The following POFUT1 variants were observed in gnomAD, a reference collection of about 807,000 sequenced individuals.
The protein encoded by POFUT1 is GDP-fucose protein O-fucosyltransferase 1.
POFUT1 carries 16 observed loss-of-function variants against 42.4 expected under a neutral mutation model. The ratio of observed to expected loss-of-function variants is 0.38; its 90% CI spans 0.26 to 0.57. The LOEUF (loss-of-function observed/expected upper bound fraction) is 0.57. Among genes scored for constraint, POFUT1 ranks in the 20% least tolerant of loss-of-function variants. The pLI, the probability that POFUT1 is intolerant of heterozygous loss-of-function variation, is 0.71. For missense variants in POFUT1, 470 were observed against 504.6 expected, an observed-to-expected ratio of 0.93 and a Z score of 0.66; for synonymous variants, 206 against 205.4, an observed-to-expected ratio of 1.00 and a Z score of -0.03.
Position 32,234,750 on chromosome 20 carries a change from C to T in POFUT1, c.*89C>T, listed in dbSNP as rs550384798. On this transcript the variant is annotated 3_prime_UTR_variant, in exon 7 of 7. Coordinates refer to ENST00000375749, the MANE Select transcript of POFUT1 (RefSeq NM_015352.2). Reference sequence around the variant, plus strand: ...CCAGGCCTGGCAGCCAGAGGTGCTCCGGGATTGCAAACTCCTCTTCTCACC... The same window carrying T: ...CCAGGCCTGGCAGCCAGAGGTGCTCTGGGATTGCAAACTCCTCTTCTCACC... 1.9e-5 allele frequency: 23 copies of T among 1,217,662 alleles called. No individual in the cohort carries two copies. Among genetic ancestry groups the T allele is most frequent in the South Asian group, 1.2e-4 (8 of 67,210 alleles). 75.4% of individuals were successfully genotyped at this position (1,217,662 alleles called of 1,614,324 possible).
At chr20:32,219,729 C>G (rs2047381492) in intron 4 of POFUT1, among the ~76,000 whole-genome samples, 1 of 151,850 alleles carries the variant, frequency 6.6e-6, no homozygotes, top group Non-Finnish European at 1.5e-5. Context: ...GATCTCTTGC[C>G]CTTGTGATCC....
intron 6 of POFUT1, among the ~76,000 whole-genome samples, chr20:32,233,466 G>A (rs1367255482): frequency 2.0e-5 from 3 of 152,170 alleles, no homozygotes; most frequent in Non-Finnish European, 4.4e-5. Context: ...GGACCTTGTA[G>A]GCCACGTTCA....
intron 4 of POFUT1, chr20:32,217,047 G>A: frequency 1.2e-6 from 2 of 1,613,948 alleles, no homozygotes; most frequent in East Asian, 2.2e-5. Context: ...TCTTCCCAAG[G>A]TGAAACTGGA....
chr20:32,216,559 A>G (rs377089364), intron 3 of POFUT1, 50 bp from the exon 4 acceptor site: 89 of 1,187,448 alleles, frequency 7.5e-5, no homozygotes, highest in African/African-American at 3.9e-4. Context: ...CCCATCCCCA[A>G]ATGGCTTTCC....
intron 5 of POFUT1, among the ~76,000 whole-genome samples, chr20:32,230,231 C>CA (rs1569161450): frequency 6.6e-6 from 1 of 151,636 alleles, no homozygotes; most frequent in Non-Finnish European, 1.5e-5. Context: ...ACTAAAAATA[C>CA]AAAAAATTAG....
intron 2 of POFUT1, among the ~76,000 whole-genome samples, chr20:32,215,064 A>G (rs1013375258): frequency 2.0e-5 from 3 of 151,834 alleles, no homozygotes; most frequent in African/African-American, 7.3e-5. Context: ...ATTTTCTTGT[A>G]TTTTAGTAAA....
intron 2 of POFUT1, 108 bp from the exon 3 acceptor site, chr20:32,215,161 T>A (rs969786062): frequency 3.8e-6 from 3 of 793,080 alleles, no homozygotes; most frequent in Non-Finnish European, 6.1e-6. Flanking sequence ...AGTGCTGGGA[T>A]TACAGGCGTG....
At position 32,210,090 on chromosome 20, in the gene POFUT1, C is replaced by T. The variant is rs770942717; in HGVS notation, c.144C>T (p.Ala48=). 5.6e-6 allele frequency: 9 copies of T among 1,614,062 alleles called. No individual in the cohort carries two copies. Among genetic ancestry groups the T allele is most frequent in the African/African-American group, 1.3e-5 (1 of 74,920 alleles). The stretch of plus-strand genomic sequence containing the variant: ...TTCCAGGGCGCTTTGGGAACCAGGC[C>T]GATCACTTCTTGGGCTCTCTGGCAT... The part of the protein sequence containing the change: ...CPCMGRFGNQ[A]DHFLGSLAFA... Residue 48 remains alanine (A), a synonymous_variant, in exon 2 of 7, where the codon GCC becomes GCT. Coordinates refer to ENST00000375749, the MANE Select transcript of POFUT1 (RefSeq NM_015352.2).
intron 2 of POFUT1, among the ~76,000 whole-genome samples, chr20:32,213,863 C>A (rs141617143): frequency 3.2e-4 from 49 of 152,330 alleles, no homozygotes; most frequent in African/African-American, 1.2e-3. Flanking sequence ...ATGTTTGTTT[C>A]ATCTTCTCTT....
chr20:32,207,925 C>T lies in POFUT1; in HGVS notation c.-17C>T, dbSNP rs770466202. ...CCCCGACTGTGCGCCGCGGCTGGCTCGGGTTCCCGGGCCGACATGGGCGCC... is the reference window on the plus strand; with the variant it reads ...CCCCGACTGTGCGCCGCGGCTGGCTTGGGTTCCCGGGCCGACATGGGCGCC... On this transcript the variant is annotated 5_prime_UTR_variant, in exon 1 of 7. Transcript: ENST00000375749. 7 of 1,576,222 alleles carry T rather than the reference C, an allele frequency of 4.4e-6. No homozygotes were observed. The Admixed American group carries it at 5.2e-5, about 12-fold the overall frequency.
Position 32,234,464 on chromosome 20 carries a change from T to C in POFUT1, c.979-9T>C, listed in dbSNP as rs1465201310. On this transcript the variant is annotated splice_polypyrimidine_tract_variant and intron_variant, in intron 6 of 6. Transcript: ENST00000375749. ...CCCCAGCTTATATGCTCTGTGCTTC[T>C]TCCTGCAGGTGAAGGTGGTGAGCCT... 1.3e-6 allele frequency: 2 copies of C among 1,595,498 alleles called. No individual in the cohort carries two copies. Among genetic ancestry groups the C allele is most frequent in the Non-Finnish European group, 8.5e-7 (1 of 1,170,304 alleles).
intron 2 of POFUT1, among the ~76,000 whole-genome samples, chr20:32,212,335 G>T (rs1036639190): frequency 1.3e-5 from 2 of 151,238 alleles, no homozygotes; most frequent in African/African-American, 4.9e-5. Context: ...GCAGTGGCAT[G>T]ATCATCGCTC....
chr20:32,229,403 T>G (rs2047430887), intron 5 of POFUT1, among the ~76,000 whole-genome samples: 1 of 152,196 alleles, frequency 6.6e-6, no homozygotes, highest in Non-Finnish European at 1.5e-5. Context: ...AAATTTACTA[T>G]ATTAACACCC....
At chr20:32,217,968 G>A (rs535078982) in intron 4 of POFUT1, 2 of 153,538 alleles carry the variant, frequency 1.3e-5, no homozygotes, top group African/African-American at 4.8e-5. Context: ...GTCTTCACAG[G>A]TATTGACTCA....
chr20:32,209,745 G>A (rs776819545), intron 1 of POFUT1, among the ~76,000 whole-genome samples: 3 of 152,324 alleles, frequency 2.0e-5, no homozygotes, highest in Admixed American at 6.5e-5. Flanking sequence ...CGAGTTGCCC[G>A]TCCATGTGCA....
chr20:32,216,982 G>A (rs1256129151), intron 4 of POFUT1: 2 of 1,611,528 alleles, frequency 1.2e-6, no homozygotes, highest in Non-Finnish European at 8.5e-7. Context: ...TTCTGCAGTC[G>A]CATGAGTCTC....
At chr20:32,216,403 C>G (rs958048246) in intron 3 of POFUT1, among the ~76,000 whole-genome samples, 2 of 152,186 alleles carry the variant, frequency 1.3e-5, no homozygotes, top group Non-Finnish European at 2.9e-5. Context: ...GAAAGACTCT[C>G]CTGCTGGAAT....
At chr20:32,217,305 A>G (rs2047367179) in intron 4 of POFUT1, 2 of 1,333,650 alleles carry the variant, frequency 1.5e-6, no homozygotes, top group African/African-American at 1.5e-5. Context: ...CTATGGTCTC[A>G]TAATGACAAT....
intron 4 of POFUT1, among the ~76,000 whole-genome samples, chr20:32,221,297 A>C (rs1264678685): frequency 3.3e-5 from 5 of 152,158 alleles, no homozygotes; most frequent in African/African-American, 4.8e-5. Flanking sequence ...CAGAGAGTGA[A>C]GCTCTTCCCA....
Sources: allele counts gnomAD v4.1 joint callset (sites outside exome capture counted in the v4.1 genomes callset), GRCh38; gene constraint gnomAD v4.1.1; transcripts MANE v1.5; gene names NCBI Gene and HGNC (gene_info 2026-07-23, HGNC 2026-07-21).